The following WFS1 variants were observed in gnomAD, a reference collection of about 807,000 sequenced individuals.
The protein encoded by WFS1 is wolframin ER transmembrane glycoprotein, also known as wolframin.
Under a neutral mutation model 68.5 loss-of-function variants are expected in WFS1, and 90 were observed. That is an observed-to-expected ratio of 1.31 (90% CI 1.11 to 1.56). The LOEUF is 1.56. Among genes scored for constraint, WFS1 ranks in the 40% most tolerant of loss-of-function variants. The pLI, the probability that WFS1 is intolerant of heterozygous loss-of-function variation, is 0.00. For missense variants in WFS1, 1,767 were observed against 1,232.6 expected (o/e 1.43, Z -6.49); for synonymous variants, 860 against 540.7 (o/e 1.59, Z -8.19).
At chr4:6,296,014 G>A (rs538435390) in intron 7 of WFS1, among the ~76,000 whole-genome samples, 2 of 152,302 alleles carry the variant, frequency 1.3e-5, no homozygotes, top group East Asian at 1.9e-4. Flanking sequence ...CAGAGGCTGC[G>A]GGCAGTATCA....
chr4:6,301,109 C>G lies in WFS1; in HGVS notation c.1314C>G (p.Phe438Leu), dbSNP rs778961437. The G allele has an allele frequency of 6.2e-7, 1 of 1,613,832 alleles. No homozygotes were observed. The highest frequency in any genetic ancestry group is 1.1e-5 in the South Asian group (1 of 91,078). Residue 438 changes from phenylalanine to leucine, a missense_variant, in exon 8 of 8, where the codon TTC (phenylalanine) becomes TTG (leucine). Coordinates refer to ENST00000226760, the MANE Select transcript of WFS1 (RefSeq NM_006005.3). ...PCSELAVITGFFTVTSYLSLS... is the reference protein window; with the variant it reads ...PCSELAVITGLFTVTSYLSLS... ...CGGAGCTGGCTGTCATCACCGGCTT[C>G]TTTACCGTGACCAGCTACCTGAGCC...
intron 4 of WFS1, among the ~76,000 whole-genome samples, chr4:6,289,940 T>TTTG (rs568743277): frequency 6.6e-6 from 1 of 152,190 alleles, no homozygotes; most frequent in East Asian, 1.9e-4. Flanking sequence ...TCCTTCTGTG[T>TTTG]TTGTTGTTGT....
Position 6,299,682 on chromosome 4 carries a change from G to T in WFS1, c.862-975G>T, listed in dbSNP as rs1171102375. ...GTGTGTAGGGGTGGGTTGTTTGCGG[G>T]TAGGTTGCGTGTGTGTGAATGTGTG... On this transcript the variant is annotated intron_variant, in intron 7 of 7. Transcript: ENST00000226760. 1.8e-4 allele frequency among the ~76,000 whole-genome samples: 24 copies of T among 132,026 alleles called. 1 individual carries two copies. In the South Asian group the frequency reaches 6.4e-3, roughly 35 times the overall value. 86.6% of individuals were successfully genotyped at this position (132,026 alleles called of 152,430 possible).
At chr4:6,288,829 G>GAC (rs1730383491) in intron 3 of WFS1, 158 bp from the exon 4 acceptor site, 1 of 1,121,900 alleles carries the variant, frequency 8.9e-7, no homozygotes. Context: ...GCTCAGTAGG[G>GAC]CCTAGCCTAG....
rs1730939142 is a variant in WFS1, at chr4:6,301,862, C to G, written c.2067C>G (p.Leu689=). The change falls in exon 8 of 8, where the codon CTC becomes CTG. Residue 689 remains leucine (L), a synonymous_variant. Transcript: ENST00000226760. ...CCAACATGGCGCGCACCCAGATCCT[C>G]TGCAGCCACCTGGAGGGCCACAGGG... ...KETNMARTQI[L]CSHLEGHRVT... The G allele has an allele frequency of 6.2e-7, 1 of 1,612,960 alleles. No homozygotes were observed. The highest frequency in any genetic ancestry group is 8.5e-7 in the Non-Finnish European group (1 of 1,179,838).
rs771719272 is a variant in WFS1 at position 6,300,658 on chromosome 4, T to G, written c.863T>G (p.Val288Gly). The G allele has an allele frequency of 6.2e-7, 1 of 1,613,918 alleles. No individual in the cohort carries two copies. The highest frequency in any genetic ancestry group is 8.5e-7 in the Non-Finnish European group (1 of 1,179,950). The stretch of plus-strand genomic sequence containing the variant: ...TCCCACGTACCATCTTTCCCCCAGG[T>G]GGTCAAGTACCCCCTGCACGCCATC... ...SPEDLPLRLK[V>G]VKYPLHAIME... The change falls in exon 8 of 8, where the codon GTG becomes GGG. Residue 288 changes from valine to glycine, a missense_variant and splice_region_variant. Physicochemically the swap from Val to Gly is moderately radical, Grantham distance 109. Coordinates refer to ENST00000226760, the MANE Select transcript of WFS1 (RefSeq NM_006005.3).
At chr4:6,296,983 C>G (rs1190939386) in intron 7 of WFS1, among the ~76,000 whole-genome samples, 1 of 152,152 alleles carries the variant, frequency 6.6e-6, no homozygotes, top group African/African-American at 2.4e-5. Context: ...GCCACCACAC[C>G]CAGCTGATTT....
chr4:6,290,652 G>T (rs534669787), intron 4 of WFS1, among the ~76,000 whole-genome samples: 4 of 152,218 alleles, frequency 2.6e-5, no homozygotes, highest in Non-Finnish European at 5.9e-5. Flanking sequence ...GTCCCAGGCC[G>T]TTGGGGGTAA....
intron 1 of WFS1, among the ~76,000 whole-genome samples, chr4:6,272,911 C>T (rs775591650): frequency 6.6e-6 from 1 of 152,244 alleles, no homozygotes; most frequent in Non-Finnish European, 1.5e-5. Flanking sequence ...TACAGCGTTG[C>T]ACCATATGGA....
chr4:6,296,244 G>A (rs1211976096), intron 7 of WFS1, among the ~76,000 whole-genome samples: 2 of 152,180 alleles, frequency 1.3e-5, no homozygotes, highest in African/African-American at 4.8e-5. Flanking sequence ...GAACCCAGGT[G>A]CTGCAGGAGC....
At position 6,289,043 on chromosome 4, in the gene WFS1, C is replaced by T; in HGVS notation, c.372C>T (p.Cys124=). The change falls in exon 4 of 8, where the codon TGC becomes TGT. Residue 124 remains cysteine (C), a synonymous_variant. Coordinates refer to ENST00000226760, the MANE Select transcript of WFS1 (RefSeq NM_006005.3). The part of the protein sequence containing the change: ...AGDTDEELNS[C]TAVDWLVLAA... ...ACACGGATGAAGAACTCAACAGCTG[C>T]ACCGCTGTGGACTGGCTGGTCCTCG... 1 of 1,605,820 alleles carries T rather than the reference C, an allele frequency of 6.2e-7. No homozygotes were observed. Among genetic ancestry groups the T allele is most frequent in the Non-Finnish European group, 8.5e-7 (1 of 1,176,582 alleles).
chr4:6,290,597 A>G (rs1307615872), intron 4 of WFS1, among the ~76,000 whole-genome samples: 1 of 152,250 alleles, frequency 6.6e-6, no homozygotes, highest in Non-Finnish European at 1.5e-5. Context: ...AAAAACATCC[A>G]GACCCCCGTG....
intron 7 of WFS1, among the ~76,000 whole-genome samples, chr4:6,295,902 G>T (rs775615974): frequency 4.6e-5 from 7 of 152,222 alleles, no homozygotes; most frequent in Admixed American, 3.9e-4. Context: ...ATGTGTGCCT[G>T]TCTCACTCTG....
chr4:6,291,210 G>A lies in WFS1; in HGVS notation c.474G>A (p.Glu158=), dbSNP rs536196646. The A allele has an allele frequency of 3.1e-6, 5 of 1,612,650 alleles. No individual in the cohort carries two copies. Among genetic ancestry groups the A allele is most frequent in the South Asian group, 2.2e-5 (2 of 91,060 alleles). The part of the protein sequence containing the change: ...CLADRRGITS[E]NEREVRQLSS... ...CCTATCCCTCAGGCATCACGTCCGA[G>A]AACGAACGGGAGGTGAGGCAGCTCT... Residue 158 remains glutamate, a synonymous_variant, in exon 5 of 8, where the codon GAG becomes GAA. Transcript: ENST00000226760.
chr4:6,274,016 G>A (rs1729912006), intron 1 of WFS1, among the ~76,000 whole-genome samples: 1 of 151,956 alleles, frequency 6.6e-6, no homozygotes. Context: ...TAGCACCTGG[G>A]AGTAATGGCT....
At chr4:6,295,645 C>G (rs1730618027) in intron 7 of WFS1, among the ~76,000 whole-genome samples, 1 of 152,228 alleles carries the variant, frequency 6.6e-6, no homozygotes, top group Non-Finnish European at 1.5e-5. Flanking sequence ...CCTACTGCCC[C>G]TGGATCTGCA....
At chr4:6,273,857 T>C (rs1166447596) in intron 1 of WFS1, among the ~76,000 whole-genome samples, 1 of 152,250 alleles carries the variant, frequency 6.6e-6, no homozygotes, top group Non-Finnish European at 1.5e-5. Flanking sequence ...TTAATCCTCC[T>C]GTATTCATCC....
chr4:6,283,045 A>T lies in WFS1; in HGVS notation c.233-4048A>T, dbSNP rs891145453. Among the ~76,000 whole-genome samples, 1 of 152,178 alleles carries T rather than the reference A, an allele frequency of 6.6e-6. No homozygotes were observed. The highest frequency in any genetic ancestry group is 6.5e-5 in the Admixed American group (1 of 15,286). ...AGGCTGGCGGAGCCTGTGATAGACG[A>T]TGGACGATGACCCAGGTTCCAGCAA... On this transcript the variant is annotated intron_variant, in intron 2 of 7. Transcript: ENST00000226760. The surrounding 1 kb of genome is among the most constrained non-coding windows in gnomAD (Gnocchi z 5.0).
In WFS1 at chr4:6,302,801, C is replaced by T. The variant is rs111800114; in HGVS notation, c.*333C>T. ...TACAGATGAGATTCCCTCTCCTCCC[C>T]CACCTTCAAGCACCCTGTTCCCTCT... On this transcript the variant is annotated 3_prime_UTR_variant, in exon 8 of 8. Coordinates refer to ENST00000226760, the MANE Select transcript of WFS1 (RefSeq NM_006005.3). 2.3e-6 allele frequency: 1 copy of T among 435,438 alleles called. No individual in the cohort carries two copies. Among genetic ancestry groups the T allele is most frequent in the Non-Finnish European group, 4.1e-6 (1 of 242,352 alleles). 27.0% of individuals were successfully genotyped at this position (435,438 alleles called of 1,614,324 possible). A position where few individuals can be genotyped will look rare whatever the true frequency, so the allele number is the denominator to read the frequency against.
Sources: allele counts gnomAD v4.1 joint callset (sites outside exome capture counted in the v4.1 genomes callset), GRCh38; gene constraint gnomAD v4.1.1; non-coding constraint Gnocchi (gnomAD v3.1); transcripts MANE v1.5; gene names NCBI Gene and HGNC (gene_info 2026-07-23, HGNC 2026-07-21).